The following MICU3 variants were observed in gnomAD, a reference collection of about 807,000 sequenced individuals.
MICU3 encodes mitochondrial calcium uptake 3.
A neutral mutation model predicts 66.5 loss-of-function variants in MICU3; 62 were observed. The observed-to-expected ratio is 0.93, with a 90% CI of 0.76 to 1.15. The LOEUF (loss-of-function observed/expected upper bound fraction) is 1.15, where lower values mean the gene tolerates loss of function less well. MICU3 is among the 50% of genes most tolerant of loss of function. MICU3 has a pLI of 0.00. For synonymous variants in MICU3, 308 were observed against 240.7 expected (o/e 1.28, Z -2.59); for missense variants, 779 against 664.4 (o/e 1.17, Z -1.90).
Position 17,077,642 on chromosome 8 carries a change from C to T in MICU3, c.568-141C>T, listed in dbSNP as rs2150706673. 7.7e-6 allele frequency: 4 copies of T among 522,618 alleles called. No homozygotes were observed. The South Asian group carries it at 9.1e-5, about 12-fold the overall frequency. 32.4% of individuals were successfully genotyped at this position (522,618 alleles called of 1,614,324 possible). Reference sequence around the variant, plus strand: ...TACTGGGTTGTGTGCTTGAATGAACCACAGGCATAACATAGGATAAATAAT... The same window carrying T: ...TACTGGGTTGTGTGCTTGAATGAACTACAGGCATAACATAGGATAAATAAT... On this transcript the variant is annotated intron_variant, in intron 3 of 14. Coordinates refer to ENST00000318063, the MANE Select transcript of MICU3 (RefSeq NM_181723.3).
chr8:17,075,894 TAA>T (rs151185023), intron 3 of MICU3, among the ~76,000 whole-genome samples: 14,856 of 152,240 alleles, frequency 0.098, 817 homozygotes, highest in South Asian at 0.24. Context: ...TAGCTGAGTT[TAA>T]GTTAGAACAG....
intron 1 of MICU3, among the ~76,000 whole-genome samples, chr8:17,034,302 C>G (rs1812592852): frequency 1.3e-5 from 2 of 152,184 alleles, no homozygotes; most frequent in Admixed American, 6.5e-5. Context: ...TATTACTGCT[C>G]ATTGACAATG....
chr8:17,076,987 CAATT>C (rs1462436396), intron 3 of MICU3, among the ~76,000 whole-genome samples: 3 of 152,318 alleles, frequency 2.0e-5, no homozygotes, highest in East Asian at 3.9e-4. Context: ...TTTTTCTTCA[CAATT>C]AATCAAATTA....
At chr8:17,137,397 T>A in the MICU3 span, among the ~76,000 whole-genome samples, 1 of 151,780 alleles carries the variant, frequency 6.6e-6, no homozygotes, top group Non-Finnish European at 1.5e-5. Flanking sequence ...TTAAATTTTA[T>A]TTACTTAGAA....
At chr8:17,040,576 A>G (rs548452136) in intron 1 of MICU3, among the ~76,000 whole-genome samples, 1 of 152,292 alleles carries the variant, frequency 6.6e-6, no homozygotes, top group Non-Finnish European at 1.5e-5. Context: ...GAATTTAGTA[A>G]CTTACAGTTT....
At position 17,057,835 on chromosome 8, in the gene MICU3, C is replaced by G. The variant is rs916431245; in HGVS notation, c.382-6249C>G. ...CTTTTTTTCGTTTTTTGTTGTTGTT[C>G]TTGTTGTTGTTGTTGTTGTTGTTGT... On this transcript the variant is annotated intron_variant, in intron 1 of 14. Transcript: ENST00000318063. Among the ~76,000 whole-genome samples, 31 of 150,526 alleles carry G rather than the reference C, an allele frequency of 2.1e-4. No homozygotes were observed. In the East Asian group the frequency reaches 2.8e-3, roughly 13 times the overall value.
chr8:17,133,259 G>A, the MICU3 span, among the ~76,000 whole-genome samples: 3 of 152,092 alleles, frequency 2.0e-5, no homozygotes, highest in East Asian at 5.8e-4. Flanking sequence ...TTAATTGGAG[G>A]ATTAGTCCAA....
chr8:17,094,240 C>T (rs960215994), intron 8 of MICU3, among the ~76,000 whole-genome samples: 1 of 151,936 alleles, frequency 6.6e-6, no homozygotes, highest in Non-Finnish European at 1.5e-5. Flanking sequence ...AGTTAATTCA[C>T]TTTTTTTGCT....
intron 1 of MICU3, among the ~76,000 whole-genome samples, chr8:17,031,262 T>TTATTTATTA (rs1811991306): frequency 7.2e-6 from 1 of 139,194 alleles, no homozygotes; most frequent in Non-Finnish European, 1.5e-5. Flanking sequence ...TGCCACTTCA[T>TTATTTATTA]TTATTATTAT....
At chr8:17,102,226 A>T (rs867533775) in intron 9 of MICU3, among the ~76,000 whole-genome samples, 17 of 151,788 alleles carry the variant, frequency 1.1e-4, no homozygotes, top group Middle Eastern at 3.4e-3. Flanking sequence ...TTCCAGACAG[A>T]GGCGCCTCTA....
intron 1 of MICU3, among the ~76,000 whole-genome samples, chr8:17,053,162 C>T (rs1040438491): frequency 6.6e-6 from 1 of 152,040 alleles, no homozygotes; most frequent in Non-Finnish European, 1.5e-5. Context: ...ATTCTCATTT[C>T]TCTGTTTCAC....
downstream of MICU3, among the ~76,000 whole-genome samples, chr8:17,124,965 T>A (rs1488955051): frequency 6.6e-6 from 1 of 152,168 alleles, no homozygotes; most frequent in East Asian, 1.9e-4. Context: ...AGTCTTTTGC[T>A]TGATGTTTGT....
chr8:17,138,488 GA>G, the MICU3 span, among the ~76,000 whole-genome samples: 1 of 151,986 alleles, frequency 6.6e-6, no homozygotes, highest in South Asian at 2.1e-4. Flanking sequence ...CAGCTGCAAA[GA>G]AAAAAATGCA....
At chr8:17,098,231 C>T (rs1384131929) in intron 8 of MICU3, among the ~76,000 whole-genome samples, 3 of 151,632 alleles carry the variant, frequency 2.0e-5, no homozygotes, top group Non-Finnish European at 4.4e-5. Flanking sequence ...GACAAAGCTA[C>T]ATTGTACTTA....
At chr8:17,035,153 A>G (rs1372857747) in intron 1 of MICU3, among the ~76,000 whole-genome samples, 2 of 152,200 alleles carry the variant, frequency 1.3e-5, no homozygotes, top group African/African-American at 2.4e-5. Flanking sequence ...ACCTTTCGCC[A>G]TGATTGTGAG....
At chr8:17,041,584 AT>A (rs1787725110) in intron 1 of MICU3, among the ~76,000 whole-genome samples, 1 of 152,122 alleles carries the variant, frequency 6.6e-6, no homozygotes. Flanking sequence ...CCTGAGGGAC[AT>A]GGAATTGATT....
At chr8:17,111,395 C>T (rs1335423807) in intron 11 of MICU3, among the ~76,000 whole-genome samples, 1 of 151,994 alleles carries the variant, frequency 6.6e-6, no homozygotes, top group Non-Finnish European at 1.5e-5. Flanking sequence ...TGATCATACT[C>T]ACTGCGACCT....
At chr8:17,051,033 T>C (rs1390834002) in intron 1 of MICU3, among the ~76,000 whole-genome samples, 1 of 152,150 alleles carries the variant, frequency 6.6e-6, no homozygotes, top group Non-Finnish European at 1.5e-5. Context: ...TGGTCTTCAA[T>C]TGGTTACACA....
intron 1 of MICU3, among the ~76,000 whole-genome samples, chr8:17,061,850 C>T (rs897389441): frequency 6.6e-6 from 1 of 152,164 alleles, no homozygotes; most frequent in South Asian, 2.1e-4. Flanking sequence ...GATGATTGCT[C>T]GTTTTTACCA....
Sources: allele counts gnomAD v4.1 joint callset (sites outside exome capture counted in the v4.1 genomes callset), GRCh38; gene constraint gnomAD v4.1.1; transcripts MANE v1.5; gene names NCBI Gene and HGNC (gene_info 2026-07-23, HGNC 2026-07-21).